Variants in ADAM23 observed in about 807,000 individuals in gnomAD.
ADAM23 encodes the protein disintegrin and metalloproteinase domain-containing protein 23.
In ADAM23, 33 loss-of-function variants were observed where a neutral mutation model predicts 120.1. The observed-to-expected ratio is 0.27, with a 90% CI of 0.21 to 0.37. The LOEUF (loss-of-function observed/expected upper bound fraction) is 0.37. Ranked by LOEUF, ADAM23 falls within the 10% of genes least tolerant of loss-of-function variation. The pLI is 1.00. For missense variants in ADAM23, 862 were observed against 1,058.2 expected, an observed-to-expected ratio of 0.81 and a Z score of 2.57; for synonymous variants, 367 against 375.2, an observed-to-expected ratio of 0.98 and a Z score of 0.25.
At chr2:206,507,879 A>G (rs759263688) in intron 3 of ADAM23, among the ~76,000 whole-genome samples, 28 of 152,096 alleles carry the variant, frequency 1.8e-4, no homozygotes, top group Non-Finnish European at 2.6e-4. Context: ...CTGGTATTCA[A>G]TGGTGATTAT....
At chr2:206,473,638 T>A (rs1695711321) in intron 2 of ADAM23, among the ~76,000 whole-genome samples, 1 of 149,510 alleles carries the variant, frequency 6.7e-6, no homozygotes. Context: ...CTTATTTAAT[T>A]GACATATTAT....
intron 24 of ADAM23, chr2:206,608,068 G>T: frequency 2.5e-6 from 1 of 393,730 alleles, no homozygotes. Flanking sequence ...GTTGAATTGT[G>T]GGGAGGAAAT....
intron 3 of ADAM23, among the ~76,000 whole-genome samples, chr2:206,507,619 G>A (rs925294511): frequency 2.0e-5 from 3 of 152,146 alleles, no homozygotes; most frequent in African/African-American, 7.2e-5. Context: ...ATAGCAATGC[G>A]AGAAAGTACT....
chr2:206,462,266 C>A (rs1351900887), intron 2 of ADAM23, among the ~76,000 whole-genome samples: 1 of 152,174 alleles, frequency 6.6e-6, no homozygotes, highest in Non-Finnish European at 1.5e-5. Context: ...TATTTACTTA[C>A]ATGGTCTAAG....
chr2:206,580,970 C>T (rs752516998), intron 18 of ADAM23, among the ~76,000 whole-genome samples: 5 of 152,046 alleles, frequency 3.3e-5, no homozygotes, highest in Non-Finnish European at 7.4e-5. Flanking sequence ...GGAATTTATC[C>T]ATCCCTTCTA....
chr2:206,594,961 G>C, intron 23 of ADAM23, 56 bp downstream of exon 23: 1 of 1,587,694 alleles, frequency 6.3e-7, no homozygotes, highest in South Asian at 1.1e-5. Context: ...TGGTCACAGT[G>C]ACTGGACTTT....
chr2:206,575,924 C>T (rs1698103226), intron 18 of ADAM23, among the ~76,000 whole-genome samples: 1 of 152,054 alleles, frequency 6.6e-6, no homozygotes, highest in Non-Finnish European at 1.5e-5. Context: ...CACTGAGTTC[C>T]TTAACCAGAA....
At chr2:206,456,269 C>A (rs1695297569) in intron 2 of ADAM23, among the ~76,000 whole-genome samples, 1 of 151,918 alleles carries the variant, frequency 6.6e-6, no homozygotes, top group African/African-American at 2.4e-5. Flanking sequence ...GGGGAAGTGC[C>A]ACACACTTAA....
At position 206,562,297 on chromosome 2, in the gene ADAM23, T is replaced by C; in HGVS notation, c.1345+4T>C. 1 of 1,611,780 alleles carries C rather than the reference T, an allele frequency of 6.2e-7. No homozygotes were observed. ...GAACCTTCTAGCAGAAAGCCAAGTA[T>C]GTACACTGACCTTCTTACTCATTTT... On this transcript the variant is annotated splice_donor_region_variant and intron_variant, in intron 13 of 25. Transcript: ENST00000264377.
At chr2:206,464,391 A>T (rs907109625) in intron 2 of ADAM23, among the ~76,000 whole-genome samples, 9 of 152,126 alleles carry the variant, frequency 5.9e-5, no homozygotes, top group African/African-American at 9.7e-5. Context: ...CCTGGCCAAC[A>T]TGGCAAAACC....
chr2:206,617,585 C>T lies in ADAM23; in HGVS notation c.2457C>T (p.Val819=). Residue 819 remains valine, a synonymous_variant, in exon 26 of 26, where the codon GTC becomes GTT. Coordinates refer to ENST00000264377, the MANE Select transcript of ADAM23 (RefSeq NM_003812.4). The part of the protein sequence containing the change: ...LGGTGWGFKN[V]KKRRFDPTQQ... ...TTTTGACTCACTCTGGAAGAAATGT[C>T]AAGAAGAGAAGGTTCGATCCTACTC... 1 of 1,607,686 alleles carries T rather than the reference C, an allele frequency of 6.2e-7. No homozygotes were observed. The highest frequency in any genetic ancestry group is 8.5e-7 in the Non-Finnish European group (1 of 1,176,716).
At chr2:206,602,537 TGGAA>T (rs1698657842) in intron 24 of ADAM23, among the ~76,000 whole-genome samples, 1 of 152,116 alleles carries the variant, frequency 6.6e-6, no homozygotes, top group East Asian at 1.9e-4. Flanking sequence ...CTTTGGTCCA[TGGAA>T]TACAAATGAT....
chr2:206,501,334 C>G (rs1696382669), intron 3 of ADAM23, among the ~76,000 whole-genome samples: 1 of 152,084 alleles, frequency 6.6e-6, no homozygotes, highest in South Asian at 2.1e-4. Context: ...TGATTGCTAT[C>G]AAGTACTTTT....
chr2:206,494,423 C>T (rs932725932), intron 3 of ADAM23, among the ~76,000 whole-genome samples: 2 of 152,154 alleles, frequency 1.3e-5, no homozygotes, highest in Admixed American at 6.5e-5. Context: ...TTTGCCCTCC[C>T]TGTGCACTAT....
At chr2:206,483,048 T>A (rs2105879306) in intron 3 of ADAM23, among the ~76,000 whole-genome samples, 1 of 152,242 alleles carries the variant, frequency 6.6e-6, no homozygotes, top group Non-Finnish European at 1.5e-5. Flanking sequence ...GTATTTCACG[T>A]GTCAGTGCTG....
chr2:206,579,276 C>T (rs1415016108), intron 18 of ADAM23, among the ~76,000 whole-genome samples: 1 of 151,906 alleles, frequency 6.6e-6, no homozygotes, highest in Non-Finnish European at 1.5e-5. Flanking sequence ...ATTGCATTTC[C>T]TTTTGGGTTC....
chr2:206,548,128 C>T (rs1697436666), intron 7 of ADAM23, among the ~76,000 whole-genome samples, 153 bp from the exon 8 acceptor site: 2 of 152,106 alleles, frequency 1.3e-5, no homozygotes, highest in South Asian at 2.1e-4. Context: ...TCTTTGTGGT[C>T]ATGAGAGTGT....
intron 24 of ADAM23, chr2:206,607,282 A>C (rs1453763994): frequency 2.0e-5 from 3 of 152,226 alleles, no homozygotes; most frequent in Non-Finnish European, 4.4e-5. Flanking sequence ...TTTAGAGACA[A>C]AAACTTTGTC....
intron 18 of ADAM23, among the ~76,000 whole-genome samples, chr2:206,581,011 C>T (rs1698210298): frequency 6.6e-6 from 1 of 152,086 alleles, no homozygotes; most frequent in Non-Finnish European, 1.5e-5. Context: ...TAAAGGTGTT[C>T]ATAGTAGCTT....
Sources: gnomAD v4.1 joint callset for allele counts (sites outside exome capture counted in the v4.1 genomes callset) on GRCh38, gnomAD v4.1.1 for gene constraint, MANE v1.5 for transcripts, NCBI Gene and HGNC (gene_info 2026-07-23, HGNC 2026-07-21) for gene names.